The following LAMA1 variants were observed in gnomAD, a reference collection of about 807,000 sequenced individuals.
The protein encoded by LAMA1 is laminin subunit alpha-1.
Under a neutral mutation model 348.7 loss-of-function variants are expected in LAMA1, and 219 were observed. The observed-to-expected ratio is 0.63, with a 90% CI of 0.56 to 0.70. LAMA1 has a LOEUF of 0.70. Among genes scored for constraint, LAMA1 ranks in the 30% least tolerant of loss-of-function variants. The pLI, the probability that LAMA1 is intolerant of heterozygous loss-of-function variation, is 0.00. For missense variants in LAMA1, 3,744 were observed against 3,888.0 expected, an observed-to-expected ratio of 0.96 and a Z score of 0.99; for synonymous variants, 1,487 against 1,491.0, an observed-to-expected ratio of 1.00 and a Z score of 0.06.
chr18:6,943,492 A>G, intron 61 of LAMA1, 90 bp from the exon 62 acceptor site: 1 of 1,083,478 alleles, frequency 9.2e-7, no homozygotes, highest in Non-Finnish European at 1.4e-6. Flanking sequence ...TTGCAGCATT[A>G]TGTTTAAAAG....
chr18:6,980,459 T>C (rs1384017522), intron 42 of LAMA1, 62 bp downstream of exon 42: 1 of 1,145,130 alleles, frequency 8.7e-7, no homozygotes, highest in East Asian at 2.3e-5. Context: ...TTCCTTATGT[T>C]CCTGAGTGAT....
intron 45 of LAMA1, 86 bp from the exon 46 acceptor site, chr18:6,975,122 G>T (rs993040104): frequency 2.8e-6 from 4 of 1,449,144 alleles, no homozygotes; most frequent in Non-Finnish European, 3.7e-6. Context: ...CAATTCTTAC[G>T]GGGTTTTCTC....
At chr18:7,093,998 A>G (rs1248649182) in intron 1 of LAMA1, among the ~76,000 whole-genome samples, 1 of 151,916 alleles carries the variant, frequency 6.6e-6, no homozygotes, top group East Asian at 1.9e-4. Flanking sequence ...GCTTGTCTCA[A>G]TCTCCTAAGC....
chr18:7,095,025 A>T (rs954304961), intron 1 of LAMA1, among the ~76,000 whole-genome samples: 1 of 150,278 alleles, frequency 6.7e-6, no homozygotes, highest in South Asian at 2.1e-4. Flanking sequence ...CTCCAAATTG[A>T]TCTATAGATT....
rs140519834 is a variant in LAMA1, at chr18:7,060,849, G to T, written c.346-9913C>A. Among the ~76,000 whole-genome samples, 23 of 152,266 alleles carry T rather than the reference G, an allele frequency of 1.5e-4. No homozygotes were observed. In the East Asian group the frequency reaches 4.5e-3, roughly 29 times the overall value. ...CATTTCCATTTGAGGGTGACTAATAGTATTGTTGTTTTAAAAAGTGTGCAG... is the reference window on the plus strand; with the variant it reads ...CATTTCCATTTGAGGGTGACTAATATTATTGTTGTTTTAAAAAGTGTGCAG... On this transcript the variant is annotated intron_variant, in intron 3 of 62. Coordinates refer to ENST00000389658, the MANE Select transcript of LAMA1 (RefSeq NM_005559.4).
At chr18:6,997,716 T>C in intron 33 of LAMA1, 26 bp downstream of exon 33, 1 of 1,609,566 alleles carries the variant, frequency 6.2e-7, no homozygotes, top group East Asian at 2.2e-5. Context: ...CAAGTGTCTG[T>C]TCATCTCTGT....
At chr18:6,989,181 T>C (rs949447508) in intron 36 of LAMA1, among the ~76,000 whole-genome samples, 1 of 152,180 alleles carries the variant, frequency 6.6e-6, no homozygotes, top group Non-Finnish European at 1.5e-5. Flanking sequence ...ATCACACACA[T>C]GTTGCTGCAT....
In LAMA1 at chr18:6,975,981, G is replaced by C; in HGVS notation, c.6445C>G (p.Gln2149Glu). Residue 2149 changes from glutamine (Q) to glutamate (E), a missense_variant, in exon 45 of 63, where the codon CAG (glutamine) becomes GAG (glutamate). By Grantham distance (29) the Gln-to-Glu change is conservative. Coordinates refer to ENST00000389658, the MANE Select transcript of LAMA1 (RefSeq NM_005559.4). ...YNTLTLNVKTQEPDNLLFYLG... is the reference protein window; with the variant it reads ...YNTLTLNVKTEEPDNLLFYLG... ...TAGAAGAGAAGATTATCGGGTTCCT[G>C]TGTCTTAACATTTAGTGTTAAGGTA... 6.2e-7 allele frequency: 1 copy of C among 1,614,150 alleles called. No homozygotes were observed. Among genetic ancestry groups the C allele is most frequent in the Non-Finnish European group, 8.5e-7 (1 of 1,180,028 alleles).
At chr18:7,078,383 G>GT (rs2058179538) in intron 3 of LAMA1, among the ~76,000 whole-genome samples, 1 of 151,416 alleles carries the variant, frequency 6.6e-6, no homozygotes, top group South Asian at 2.1e-4. Context: ...AGCCAGGATG[G>GT]TCTCGATCTC....
intron 3 of LAMA1, among the ~76,000 whole-genome samples, chr18:7,059,336 G>C (rs1396550158): frequency 6.6e-6 from 1 of 152,176 alleles, no homozygotes; most frequent in Non-Finnish European, 1.5e-5. Context: ...ACTAGACTCA[G>C]AGTCAATGTA....
At position 6,977,897 on chromosome 18, in the gene LAMA1, A is replaced by C. The variant is rs776206431; in HGVS notation, c.6191-16T>G. 4 of 1,609,180 alleles carry C rather than the reference A, an allele frequency of 2.5e-6. No homozygotes were observed. In the African/African-American group the frequency reaches 5.3e-5, roughly 21 times the overall value. On this transcript the variant is annotated splice_polypyrimidine_tract_variant and intron_variant, in intron 43 of 62. Transcript: ENST00000389658. Reference sequence around the variant, plus strand: ...GCCAACAGAGCTAACAAATACAAGAAGGCAAGGGGTGGCAAGAAAGTTGGG... The same window carrying C: ...GCCAACAGAGCTAACAAATACAAGACGGCAAGGGGTGGCAAGAAAGTTGGG...
At position 6,986,259 on chromosome 18, in the gene LAMA1, C is replaced by T. The variant is rs1351134077; in HGVS notation, c.5257G>A (p.Val1753Ile). 7 of 1,614,160 alleles carry T rather than the reference C, an allele frequency of 4.3e-6. No individual in the cohort carries two copies. The highest frequency in any genetic ancestry group is 2.2e-5 in the East Asian group (1 of 44,872). The change falls in exon 37 of 63, where the codon GTC (valine) becomes ATC (isoleucine). Residue 1753 changes from valine to isoleucine, a missense_variant. Physicochemically the swap from Val to Ile is conservative, Grantham distance 29. Coordinates refer to ENST00000389658, the MANE Select transcript of LAMA1 (RefSeq NM_005559.4). The stretch of plus-strand genomic sequence containing the variant: ...AGTTCATTGTTGTGCTTTGAAAGGA[C>T]GTGGCTTGCTGCTTCTTTCAATACC... ...LEVLKEAASH[V>I]LSKHNNELKA...
chr18:7,066,771 C>G (rs1027938040), intron 3 of LAMA1, among the ~76,000 whole-genome samples: 2 of 152,048 alleles, frequency 1.3e-5, no homozygotes, highest in Non-Finnish European at 2.9e-5. Flanking sequence ...GTGAAACACA[C>G]TTTATCACTG....
chr18:6,997,126 T>C (rs1179453127), intron 33 of LAMA1, among the ~76,000 whole-genome samples: 1 of 151,814 alleles, frequency 6.6e-6, no homozygotes, highest in Non-Finnish European at 1.5e-5. Flanking sequence ...TGCAGTGGTG[T>C]GATCTCGGCT....
intron 34 of LAMA1, among the ~76,000 whole-genome samples, chr18:6,994,455 G>A (rs539006069): frequency 1.2e-4 from 18 of 152,262 alleles, no homozygotes; most frequent in Admixed American, 4.6e-4. Context: ...AGAGAATAAC[G>A]GATACAGAGA....
intron 1 of LAMA1, among the ~76,000 whole-genome samples, chr18:7,088,275 T>C (rs1260185526): frequency 6.6e-6 from 1 of 152,142 alleles, no homozygotes; most frequent in Non-Finnish European, 1.5e-5. Flanking sequence ...TTTGATCTTA[T>C]TGTTCTTGCT....
intron 33 of LAMA1, among the ~76,000 whole-genome samples, chr18:6,996,222 C>A (rs1020863848): frequency 3.9e-5 from 6 of 152,056 alleles, no homozygotes; most frequent in African/African-American, 1.4e-4. Context: ...TTAGAGGTCC[C>A]TAACCTTTCT....
At chr18:7,039,787 G>T (rs999960824) in intron 10 of LAMA1, among the ~76,000 whole-genome samples, 1 of 152,126 alleles carries the variant, frequency 6.6e-6, no homozygotes, top group African/African-American at 2.4e-5. Context: ...CCACAGAGGA[G>T]GTGGGAATAT....
chr18:6,964,831 A>C, intron 50 of LAMA1, 28 bp from the exon 51 acceptor site: 1 of 1,613,526 alleles, frequency 6.2e-7, no homozygotes, highest in Non-Finnish European at 8.5e-7. Flanking sequence ...GCAAGAGATA[A>C]GAAAAGGAAA....
Sources: allele counts gnomAD v4.1 joint callset (sites outside exome capture counted in the v4.1 genomes callset), GRCh38; gene constraint gnomAD v4.1.1; transcripts MANE v1.5; gene names NCBI Gene and HGNC (gene_info 2026-07-23, HGNC 2026-07-21).